Variants in SACM1L observed in about 807,000 individuals in gnomAD.
SACM1L encodes the protein SAC1 like phosphatidylinositide phosphatase.
In SACM1L, 32 loss-of-function variants were observed where a neutral mutation model predicts 89.5. The observed-to-expected ratio is 0.36, with a 90% confidence interval of 0.27 to 0.48. The LOEUF (loss-of-function observed/expected upper bound fraction) is 0.48, where lower values mean the gene tolerates loss of function less well. Among genes scored for constraint, SACM1L ranks in the 20% least tolerant of loss-of-function variants. The probability of loss-of-function intolerance (pLI) is 0.99; values close to 1 mark genes in which losing one functional copy is unlikely to be tolerated. For missense variants in SACM1L, 543 were observed against 708.5 expected, an observed-to-expected ratio of 0.77 and a Z score of 2.65; for synonymous variants, 213 against 232.8, an observed-to-expected ratio of 0.92 and a Z score of 0.77.
chr3:45,721,692 A>G (rs373586793), intron 8 of SACM1L, among the ~76,000 whole-genome samples: 26 of 152,158 alleles, frequency 1.7e-4, no homozygotes, highest in Middle Eastern at 6.8e-3. Flanking sequence ...TCTTTAAAAG[A>G]TGTCTCAAGT....
chr3:45,742,142 C>G (rs1401705738), intron 19 of SACM1L, among the ~76,000 whole-genome samples: 1 of 152,186 alleles, frequency 6.6e-6, no homozygotes, highest in Non-Finnish European at 1.5e-5. Flanking sequence ...CGGATGATTC[C>G]TTTAGGGAGT....
rs564390079 is a variant in SACM1L, at chr3:45,745,139, T to A, written c.*1470T>A. On this transcript the variant is annotated 3_prime_UTR_variant, in exon 20 of 20. Coordinates refer to ENST00000389061, the MANE Select transcript of SACM1L (RefSeq NM_014016.5). ...CTGTTAACATGTAAATAAGCATAATTTGTTCCAAAGATGGAATATTGAAAC... is the reference window on the plus strand; with the variant it reads ...CTGTTAACATGTAAATAAGCATAATATGTTCCAAAGATGGAATATTGAAAC... 6.6e-6 allele frequency: 1 copy of A among 152,540 alleles called. No individual in the cohort carries two copies. The highest frequency in any genetic ancestry group is 1.5e-5 in the Non-Finnish European group (1 of 68,040). 9.4% of individuals were successfully genotyped at this position (152,540 alleles called of 1,614,324 possible).
Position 45,737,762 on chromosome 3 carries a change from T to G in SACM1L, c.1310-10T>G. 6.2e-7 allele frequency: 1 copy of G among 1,609,038 alleles called. No individual in the cohort carries two copies. Among genetic ancestry groups the G allele is most frequent in the Non-Finnish European group, 8.5e-7 (1 of 1,178,244 alleles). ...TAATAATTATCAGCTGTTTTTACTT[T>G]TTTCTACAGCCTGGGCTGACAACGC... On this transcript the variant is annotated splice_polypyrimidine_tract_variant and intron_variant, in intron 15 of 19. Coordinates refer to ENST00000389061, the MANE Select transcript of SACM1L (RefSeq NM_014016.5).
intron 5 of SACM1L, among the ~76,000 whole-genome samples, chr3:45,710,712 T>G (rs1300595227): frequency 6.6e-6 from 1 of 152,112 alleles, no homozygotes; most frequent in Non-Finnish European, 1.5e-5. Flanking sequence ...CGCCAGTAAT[T>G]GACCATTTTT....
At chr3:45,743,437 T>C in intron 19 of SACM1L, 96 bp from the exon 20 acceptor site, 13 of 1,297,660 alleles carry the variant, frequency 1.0e-5, no homozygotes, top group Non-Finnish European at 1.4e-5. Flanking sequence ...AATGTGCTAG[T>C]AAACTTTAAT....
intron 8 of SACM1L, among the ~76,000 whole-genome samples, chr3:45,720,880 C>T (rs994224008): frequency 6.6e-6 from 1 of 152,144 alleles, no homozygotes; most frequent in Non-Finnish European, 1.5e-5. Flanking sequence ...AGAAATATGT[C>T]AGAAAGGATG....
chr3:45,709,337 C>T (rs1698469529), intron 4 of SACM1L, among the ~76,000 whole-genome samples, 161 bp from the exon 5 acceptor site: 1 of 152,188 alleles, frequency 6.6e-6, no homozygotes, highest in South Asian at 2.1e-4. Flanking sequence ...AGGAACTGTC[C>T]TACATCCCAG....
chr3:45,690,528 A>G (rs562615438), intron 1 of SACM1L: 28 of 152,382 alleles, frequency 1.8e-4, no homozygotes, highest in African/African-American at 6.5e-4. Flanking sequence ...TAAGCTCCTC[A>G]GACCTCAACC....
At chr3:45,735,558 A>T (rs1420578575) in intron 14 of SACM1L, among the ~76,000 whole-genome samples, 185 bp downstream of exon 14, 2 of 152,010 alleles carry the variant, frequency 1.3e-5, no homozygotes, top group Non-Finnish European at 2.9e-5. Context: ...CACAGTTTTC[A>T]CTTTTGCCAT....
At chr3:45,724,669 C>G (rs1238720085) in intron 11 of SACM1L, among the ~76,000 whole-genome samples, 1 of 151,996 alleles carries the variant, frequency 6.6e-6, no homozygotes, top group African/African-American at 2.4e-5. Context: ...CTTTTGTTGC[C>G]TCTGCTCTTG....
At chr3:45,710,500 CTTT>C (rs11413682) in intron 5 of SACM1L, among the ~76,000 whole-genome samples, 12 of 134,092 alleles carry the variant, frequency 8.9e-5, no homozygotes, top group Non-Finnish European at 1.3e-4. Context: ...CCCAGTCTGC[CTTT>C]TTTTTTTTTT....
At chr3:45,695,273 T>C (rs1698093504) in intron 1 of SACM1L, among the ~76,000 whole-genome samples, 1 of 152,144 alleles carries the variant, frequency 6.6e-6, no homozygotes, top group Non-Finnish European at 1.5e-5. Context: ...ATTCTTTTTT[T>C]TTTTTGAGAT....
chr3:45,705,094 C>A, intron 2 of SACM1L, 41 bp from the exon 3 acceptor site: 2 of 1,347,410 alleles, frequency 1.5e-6, no homozygotes, highest in Non-Finnish European at 2.1e-6. Flanking sequence ...TGTTGGTGAG[C>A]TTTTTGTATG....
At chr3:45,734,158 A>G (rs1699142570) in intron 13 of SACM1L, among the ~76,000 whole-genome samples, 1 of 135,826 alleles carries the variant, frequency 7.4e-6, no homozygotes, top group Non-Finnish European at 1.5e-5. Flanking sequence ...CACGCCTGTA[A>G]TCCCAGCACT....
chr3:45,698,840 C>A (rs909064112), intron 1 of SACM1L, among the ~76,000 whole-genome samples: 1 of 152,104 alleles, frequency 6.6e-6, no homozygotes, highest in Non-Finnish European at 1.5e-5. Context: ...GATCTCAGCT[C>A]ACTGCAACCT....
chr3:45,700,605 CAT>C (rs1397108966), intron 1 of SACM1L, among the ~76,000 whole-genome samples: 4 of 152,180 alleles, frequency 2.6e-5, no homozygotes, highest in Non-Finnish European at 5.9e-5. Flanking sequence ...CTGAGCATAT[CAT>C]GTGTATTCTG....
At chr3:45,692,945 GAGAAATATGTT>G (rs1354892820) in intron 1 of SACM1L, among the ~76,000 whole-genome samples, 1 of 152,194 alleles carries the variant, frequency 6.6e-6, no homozygotes, top group Non-Finnish European at 1.5e-5. Flanking sequence ...GATACATTCT[GAGAAATATGTT>G]AGAAATATGT....
At chr3:45,737,919 G>T in intron 16 of SACM1L, 75 bp downstream of exon 16, 1 of 1,188,168 alleles carries the variant, frequency 8.4e-7, no homozygotes, top group Admixed American at 1.9e-5. Context: ...CACCTGGGCA[G>T]CTTTCAGACA....
rs1699050787 is a variant in SACM1L, at chr3:45,731,396, T to C, written c.1001+16T>C. 1.3e-6 allele frequency: 2 copies of C among 1,574,230 alleles called. No individual in the cohort carries two copies. The highest frequency in any genetic ancestry group is 1.7e-6 in the Non-Finnish European group (2 of 1,144,672). On this transcript the variant is annotated intron_variant, in intron 12 of 19. Transcript: ENST00000389061. ...GAATGATGAGGTACCTCACTAGAAA[T>C]CTGTTGCAGGTCTTTTCAGATCAGA...
Sources: allele counts gnomAD v4.1 joint callset (sites outside exome capture counted in the v4.1 genomes callset), GRCh38; gene constraint gnomAD v4.1.1; transcripts MANE v1.5; gene names NCBI Gene and HGNC (gene_info 2026-07-23, HGNC 2026-07-21).